The following EMP3 variants were observed in gnomAD, a reference collection of about 807,000 sequenced individuals.
EMP3 encodes epithelial membrane protein 3 (MAM blood group).
EMP3 carries 15 observed loss-of-function variants against 21.6 expected under a neutral mutation model. The ratio of observed to expected loss-of-function variants is 0.69; its 90% confidence interval spans 0.46 to 1.07. The LOEUF (loss-of-function observed/expected upper bound fraction) is 1.07, where lower values mean the gene tolerates loss of function less well. Among genes scored for constraint, EMP3 ranks in the 50% least tolerant of loss-of-function variants. EMP3 has a pLI of 0.00. For missense variants in EMP3, 183 were observed against 206.6 expected (o/e 0.89, Z 0.70); for synonymous variants, 107 against 86.1 (o/e 1.24, Z -1.34).
Position 48,327,330 on chromosome 19 carries a change from C to T in EMP3, c.79-191C>T, listed in dbSNP as rs1012798875. Reference sequence around the variant, plus strand: ...TACAGGCATGAACCACCAGGTTAACCCTTTTAGCTCTACCTCCGATGCCTC... The same window carrying T: ...TACAGGCATGAACCACCAGGTTAACTCTTTTAGCTCTACCTCCGATGCCTC... On this transcript the variant is annotated intron_variant, in intron 2 of 4. Coordinates refer to ENST00000270221, the MANE Select transcript of EMP3 (RefSeq NM_001425.3). 1.3e-5 allele frequency among the ~76,000 whole-genome samples: 2 copies of T among 152,162 alleles called. 1 individual carries two copies. Among genetic ancestry groups the T allele is most frequent in the South Asian group, 4.1e-4 (2 of 4,826 alleles).
rs1414950604 is a variant in EMP3 at position 48,326,940 on chromosome 19, T to TC, written c.78+19dup. ...TGGACAAGGTAAGCCTACTTGGAGC[T>TC]CAGGGCCCTTCTGTTCCCCTTTGGA... On this transcript the variant is annotated intron_variant, in intron 2 of 4. Transcript: ENST00000270221. 1 of 1,609,052 alleles carries TC rather than the reference T, an allele frequency of 6.2e-7. No individual in the cohort carries two copies. Among genetic ancestry groups the TC allele is most frequent in the Non-Finnish European group, 8.5e-7 (1 of 1,175,404 alleles).
chr19:48,327,583 C>G lies in EMP3; in HGVS notation c.141C>G (p.Asn47Lys), dbSNP rs1414058510. The G allele has an allele frequency of 1.2e-6, 2 of 1,613,928 alleles. No individual in the cohort carries two copies. Among genetic ancestry groups the G allele is most frequent in the South Asian group, 2.2e-5 (2 of 91,032 alleles). ...LNLWYDCTWN[N>K]DTKTWACSNV... ...TCTGGTACGACTGCACGTGGAACAA[C>G]GACACCAAAACATGGGCCTGCAGTA... is the stretch of plus-strand genomic sequence containing the variant. The change falls in exon 3 of 5, where the codon AAC becomes AAG. Residue 47 changes from asparagine (N) to lysine (K), a missense_variant. Physicochemically the swap from Asn to Lys is moderately conservative, Grantham distance 94. Transcript: ENST00000270221.
In EMP3 at chr19:48,329,950, CTT is replaced by C. The variant is rs1969180090; in HGVS notation, c.323-350_323-349del. Among the ~76,000 whole-genome samples the C allele has an allele frequency of 6.6e-6, 1 of 152,148 alleles. No homozygotes were observed. Reference sequence around the variant, plus strand: ...TTTTGCGTACTTTTTAATTTTTTGACTTAAGGTGCAAAGGGCTAACTTAATCA... The same window carrying C: ...TTTTGCGTACTTTTTAATTTTTTGACAAGGTGCAAAGGGCTAACTTAATCA... On this transcript the variant is annotated intron_variant, in intron 4 of 4. Coordinates refer to ENST00000270221, the MANE Select transcript of EMP3 (RefSeq NM_001425.3). This position sits in a 1 kb window ranked among gnomAD's most constrained non-coding sequence, Gnocchi z 4.5.
chr19:48,327,396 A>G (rs1969139380), intron 2 of EMP3, 125 bp from the exon 3 acceptor site: 2 of 681,222 alleles, frequency 2.9e-6, no homozygotes, highest in Non-Finnish European at 2.6e-6. Flanking sequence ...TTAAATCCTA[A>G]CTCTCCCCAG....
chr19:48,330,477 C>T lies in EMP3; in HGVS notation c.*7C>T, dbSNP rs201861420. 9.8e-5 allele frequency: 154 copies of T among 1,575,168 alleles called. No individual in the cohort carries two copies. The African/African-American group carries it at 1.7e-3, about 17-fold the overall frequency. On this transcript the variant is annotated 3_prime_UTR_variant, in exon 5 of 5. Coordinates refer to ENST00000270221, the MANE Select transcript of EMP3 (RefSeq NM_001425.3). ...CCTACGGAAGCGGGAGTGAGCGCCC[C>T]GCCTCGCTCGGCTGCCCCCGCCCCT...
chr19:48,327,595 A>T lies in EMP3; in HGVS notation c.153A>T (p.Thr51=), dbSNP rs776257972. 1.4e-5 allele frequency: 23 copies of T among 1,613,782 alleles called. No homozygotes were observed. The highest frequency in any genetic ancestry group is 5.1e-6 in the Non-Finnish European group (6 of 1,179,956). ...GCACGTGGAACAACGACACCAAAAC[A>T]TGGGCCTGCAGTAATGTCAGCGAGA... ...YDCTWNNDTK[T]WACSNVSENG... Residue 51 remains threonine (T), a synonymous_variant, in exon 3 of 5, where the codon ACA becomes ACT. Coordinates refer to ENST00000270221, the MANE Select transcript of EMP3 (RefSeq NM_001425.3).
At chr19:48,330,108 C>T (rs1969181631) in intron 4 of EMP3, among the ~76,000 whole-genome samples, 193 bp from the exon 5 acceptor site, 1 of 152,162 alleles carries the variant, frequency 6.6e-6, no homozygotes, top group Non-Finnish European at 1.5e-5. Context: ...TATTATTGGA[C>T]CTAGAGAGAT....
chr19:48,327,894 C>G (rs537296483), intron 3 of EMP3: 47 of 400,148 alleles, frequency 1.2e-4, no homozygotes, highest in African/African-American at 7.6e-4. Flanking sequence ...TGCAACCTCT[C>G]CCTCCGGGGT....
chr19:48,329,782 T>C lies in EMP3; in HGVS notation c.322+290T>C, dbSNP rs1969178395. Reference sequence around the variant, plus strand: ...GGGAAGGAGGTATAGGTAAATAGTTTTGGTCCCAGGGATCGGCCGTGACGT... The same window carrying C: ...GGGAAGGAGGTATAGGTAAATAGTTCTGGTCCCAGGGATCGGCCGTGACGT... On this transcript the variant is annotated intron_variant, in intron 4 of 4. Coordinates refer to ENST00000270221, the MANE Select transcript of EMP3 (RefSeq NM_001425.3). The surrounding 1 kb of genome is among the most constrained non-coding windows in gnomAD (Gnocchi z 4.5). Among the ~76,000 whole-genome samples, 2 of 152,052 alleles carry C rather than the reference T, an allele frequency of 1.3e-5. No homozygotes were observed. The highest frequency in any genetic ancestry group is 2.4e-5 in the African/African-American group (1 of 41,390).
intron 2 of EMP3, among the ~76,000 whole-genome samples, chr19:48,327,246 G>A (rs1969137230): frequency 6.6e-6 from 1 of 151,966 alleles, no homozygotes; most frequent in Non-Finnish European, 1.5e-5. Flanking sequence ...TGCCCAGGCT[G>A]GTCTCGAACC....
In EMP3 at chr19:48,326,822, C is replaced by T. The variant is rs778904325; in HGVS notation, c.-15-8C>T. 4.3e-6 allele frequency: 7 copies of T among 1,612,790 alleles called. No homozygotes were observed. Among genetic ancestry groups the T allele is most frequent in the East Asian group, 4.5e-5 (2 of 44,832 alleles). On this transcript the variant is annotated splice_region_variant and splice_polypyrimidine_tract_variant and intron_variant, in intron 1 of 4. Transcript: ENST00000270221. ...CTTGAGACTCCGTCCCCTGCTCCCC[C>T]TCCCCAGGCTTCCACTGCAGCCATG...
At chr19:48,328,479 T>C (rs1293668467) in intron 3 of EMP3, among the ~76,000 whole-genome samples, 1 of 151,858 alleles carries the variant, frequency 6.6e-6, no homozygotes, top group East Asian at 1.9e-4. Context: ...AGAGTATTTT[T>C]CCAAAGCTCT....
rs773259045 is a variant in EMP3 at position 48,330,367 on chromosome 19, C to T, written c.389C>T (p.Pro130Leu). 22 of 1,607,552 alleles carry T rather than the reference C, an allele frequency of 1.4e-5. No homozygotes were observed. The highest frequency in any genetic ancestry group is 1.7e-5 in the Non-Finnish European group (20 of 1,177,204). The change falls in exon 5 of 5, where the codon CCG (proline) becomes CTG (leucine). Residue 130 changes from proline (P) to leucine (L), a missense_variant. By Grantham distance (98) the Pro-to-Leu change is moderately conservative. Transcript: ENST00000270221. ...GCCGAGGAGATCCTGGAGAAGCACC[C>T]GCGAGGGGGCAGCTTCGGATACTGC... ...IHAEEILEKH[P>L]RGGSFGYCFA...
At position 48,329,318 on chromosome 19, in the gene EMP3, G is replaced by C. The variant is rs773244414; in HGVS notation, c.182-34G>C. On this transcript the variant is annotated intron_variant, in intron 3 of 4. Transcript: ENST00000270221. This position sits in a 1 kb window ranked among gnomAD's most constrained non-coding sequence, Gnocchi z 4.5. ...GGTGAAGCTGGAACTCTGGACCCACGGTGATGTCCCCCTCTGTGTCCTCCT... is the reference window on the plus strand; with the variant it reads ...GGTGAAGCTGGAACTCTGGACCCACCGTGATGTCCCCCTCTGTGTCCTCCT... The C allele has an allele frequency of 1.9e-6, 3 of 1,613,152 alleles. No individual in the cohort carries two copies. In the Middle Eastern group the frequency reaches 5.0e-4, roughly 266 times the overall value.
In EMP3 at chr19:48,330,438, A is replaced by G; in HGVS notation, c.460A>G (p.Ile154Val). The change falls in exon 5 of 5, where the codon ATC (isoleucine) becomes GTC (valine). Residue 154 changes from isoleucine to valine, a missense_variant. Physicochemically the swap from Ile to Val is conservative, Grantham distance 29. Coordinates refer to ENST00000270221, the MANE Select transcript of EMP3 (RefSeq NM_001425.3). ...VAFPLALVSG[I>V]IYIHLRKRE ...CTTCCCCCTCGCCCTGGTCAGCGGC[A>G]TCATCTACATCCACCTACGGAAGCG... 1 of 1,593,522 alleles carries G rather than the reference A, an allele frequency of 6.3e-7. No individual in the cohort carries two copies. Among genetic ancestry groups the G allele is most frequent in the Non-Finnish European group, 8.5e-7 (1 of 1,171,192 alleles).
Position 48,329,190 on chromosome 19 carries a change from A to T in EMP3, c.182-162A>T. 1.3e-6 allele frequency: 1 copy of T among 798,554 alleles called. No individual in the cohort carries two copies. The highest frequency in any genetic ancestry group is 3.0e-5 in the Admixed American group (1 of 33,530). The allele number at this position is 798,554 out of a possible 1,614,324, so 49.5% of individuals were successfully genotyped here. The stretch of plus-strand genomic sequence containing the variant: ...TGAGAAGGGAATATAGCAAGGTAAC[A>T]GGGCTCAAGGTCAAAATAAGTGATA... On this transcript the variant is annotated intron_variant, in intron 3 of 4. Coordinates refer to ENST00000270221, the MANE Select transcript of EMP3 (RefSeq NM_001425.3). This position sits in a 1 kb window ranked among gnomAD's most constrained non-coding sequence, Gnocchi z 4.5.
In EMP3 at chr19:48,330,432, A is replaced by G; in HGVS notation, c.454A>G (p.Ser152Gly). Residue 152 changes from serine to glycine, a missense_variant, in exon 5 of 5, where the codon AGC (serine) becomes GGC (glycine). Coordinates refer to ENST00000270221, the MANE Select transcript of EMP3 (RefSeq NM_001425.3). ...AWVAFPLALV[S>G]GIIYIHLRKR... ...GGTGGCCTTCCCCCTCGCCCTGGTCAGCGGCATCATCTACATCCACCTACG... is the reference window on the plus strand; with the variant it reads ...GGTGGCCTTCCCCCTCGCCCTGGTCGGCGGCATCATCTACATCCACCTACG... The G allele has an allele frequency of 6.3e-7, 1 of 1,596,800 alleles. No homozygotes were observed. Among genetic ancestry groups the G allele is most frequent in the Non-Finnish European group, 8.5e-7 (1 of 1,172,610 alleles).
At chr19:48,330,158 C>T in intron 4 of EMP3, 143 bp from the exon 5 acceptor site, 2 of 1,241,690 alleles carry the variant, frequency 1.6e-6, no homozygotes, top group Non-Finnish European at 2.2e-6. Context: ...TTGCACGGCG[C>T]TGGGCGGGGG....
At position 48,330,484 on chromosome 19, in the gene EMP3, C is replaced by T; in HGVS notation, c.*14C>T. The T allele has an allele frequency of 6.4e-7, 1 of 1,569,070 alleles. No individual in the cohort carries two copies. ...AAGCGGGAGTGAGCGCCCCGCCTCG[C>T]TCGGCTGCCCCCGCCCCTTCCCGGC... On this transcript the variant is annotated 3_prime_UTR_variant, in exon 5 of 5. Transcript: ENST00000270221.
Sources: allele counts gnomAD v4.1 joint callset (sites outside exome capture counted in the v4.1 genomes callset), GRCh38; gene constraint gnomAD v4.1.1; non-coding constraint Gnocchi (gnomAD v3.1); transcripts MANE v1.5; gene names NCBI Gene and HGNC (gene_info 2026-07-23, HGNC 2026-07-21).